Variants in CSPG4 observed in about 807,000 individuals in gnomAD.
CSPG4 encodes the protein chondroitin sulfate proteoglycan 4.
Under a neutral mutation model 139.3 loss-of-function variants are expected in CSPG4, and 74 were observed. That is an observed-to-expected ratio of 0.53 (90% confidence interval 0.44 to 0.64). The LOEUF (loss-of-function observed/expected upper bound fraction) is 0.64, where lower values mean the gene tolerates loss of function less well. Among genes scored for constraint, CSPG4 ranks in the 30% least tolerant of loss-of-function variants. The probability of loss-of-function intolerance (pLI) is 0.00; values close to 1 mark genes in which losing one functional copy is unlikely to be tolerated. For synonymous variants in CSPG4, 1,234 were observed against 1,394.2 expected, an observed-to-expected ratio of 0.89 and a Z score of 2.56; for missense variants, 2,565 against 3,148.3, an observed-to-expected ratio of 0.81 and a Z score of 4.43.
At chr15:75,685,135 C>A (rs1295979320) in intron 4 of CSPG4, 84 bp downstream of exon 4, 93 of 1,485,528 alleles carry the variant, frequency 6.3e-5, no homozygotes, top group Non-Finnish European at 8.4e-5. Context: ...CTGTGTATAA[C>A]CCCCAGACTG....
At chr15:75,695,491 C>T (rs1157462682) in intron 1 of CSPG4, among the ~76,000 whole-genome samples, 4 of 152,136 alleles carry the variant, frequency 2.6e-5, no homozygotes, top group Non-Finnish European at 4.4e-5. Context: ...TGCTGGAGCG[C>T]GTGGCCAGGC....
Position 75,690,606 on chromosome 15 carries a change from G to T in CSPG4, c.459C>A (p.Thr153=), listed in dbSNP as rs777535358. 1.9e-6 allele frequency: 3 copies of T among 1,609,076 alleles called. No homozygotes were observed. Among genetic ancestry groups the T allele is most frequent in the Admixed American group, 3.3e-5 (2 of 59,808 alleles). The stretch of plus-strand genomic sequence containing the variant: ...TTCCCCTCAGGTAGGGCAGGCCAAG[G>T]GTCCCAGTGCCCCCAACAAAGAGCC... The part of the protein sequence containing the change: ...PYGLFVGGTG[T]LGLPYLRGTS... The change falls in exon 3 of 10, where the codon ACC becomes ACA. Residue 153 remains threonine (T), a synonymous_variant. Transcript: ENST00000308508.
Position 75,689,499 on chromosome 15 carries a change from C to T in CSPG4, c.1566G>A (p.Val522=). ...EDTSDQLVLE[V]SVTARVPMPS... is the part of the protein sequence containing the mutation. ...GCATGGGCACCCGAGCCGTCACCGACACCTCCAGCACCAGCTGGTCGGAGG... is the reference window on the plus strand; with the variant it reads ...GCATGGGCACCCGAGCCGTCACCGATACCTCCAGCACCAGCTGGTCGGAGG... The change falls in exon 3 of 10, where the codon GTG becomes GTA. Residue 522 remains valine (V), a synonymous_variant. Coordinates refer to ENST00000308508, the MANE Select transcript of CSPG4 (RefSeq NM_001897.5). The T allele has an allele frequency of 6.2e-7, 1 of 1,612,626 alleles. No homozygotes were observed. Among genetic ancestry groups the T allele is most frequent in the African/African-American group, 1.3e-5 (1 of 74,846 alleles).
chr15:75,697,784 G>C (rs1894247316), intron 1 of CSPG4, among the ~76,000 whole-genome samples: 1 of 152,202 alleles, frequency 6.6e-6, no homozygotes, highest in African/African-American at 2.4e-5. Context: ...CTGGACATCT[G>C]TATGTGGGGG....
At chr15:75,686,288 C>A (rs1027499100) in intron 3 of CSPG4, among the ~76,000 whole-genome samples, 4 of 152,238 alleles carry the variant, frequency 2.6e-5, no homozygotes, top group Admixed American at 2.6e-4. Context: ...CACACACACA[C>A]AGGCCCCCCT....
Position 75,675,725 on chromosome 15 carries a change from CG to C in CSPG4, c.6793del (p.Arg2265AlafsTer67). 6.3e-7 allele frequency: 1 copy of C among 1,592,970 alleles called. No individual in the cohort carries two copies. Among genetic ancestry groups the C allele is most frequent in the Non-Finnish European group, 8.6e-7 (1 of 1,166,692 alleles). ...HDVQVLTAKP[R>X]NGLAGDTETF... ...CTCGGTGTCACCAGCCAGGCCGTTG[CG>C]GGGCTTGGCAGTCAGGACCTGGACG... On this transcript the variant is annotated frameshift_variant, in exon 10 of 10. Transcript: ENST00000308508. LOFTEE classifies it high-confidence loss of function.
Position 75,677,730 on chromosome 15 carries a change from G to T in CSPG4, c.5107C>A (p.Arg1703Ser), listed in dbSNP as rs780868747. The T allele has an allele frequency of 1.2e-6, 2 of 1,605,452 alleles. No homozygotes were observed. The highest frequency in any genetic ancestry group is 8.5e-7 in the Non-Finnish European group (1 of 1,176,504). Reference sequence around the variant, plus strand: ...TTGTTCTTCCAGAGGTGGCTGGGGCGCTGGGGACAGGCAGCCTCAAAAGAC... The same window carrying T: ...TTGTTCTTCCAGAGGTGGCTGGGGCTCTGGGGACAGGCAGCCTCAAAAGAC... ...AVSFEAACPQ[R>S]PSHLWKNKGL... is the part of the protein sequence containing the mutation. Residue 1703 changes from arginine to serine, a missense_variant, in exon 9 of 10, where the codon CGC becomes AGC. By Grantham distance (110) the Arg-to-Ser change is moderately radical. Coordinates refer to ENST00000308508, the MANE Select transcript of CSPG4 (RefSeq NM_001897.5).
At chr15:75,705,743 G>C (rs1894360877) in intron 1 of CSPG4, among the ~76,000 whole-genome samples, 1 of 152,208 alleles carries the variant, frequency 6.6e-6, no homozygotes, top group Non-Finnish European at 1.5e-5. Flanking sequence ...GGTCAGGGCT[G>C]AGGGGCAGGG....
intron 1 of CSPG4, among the ~76,000 whole-genome samples, chr15:75,699,124 C>T (rs1359840134): frequency 2.0e-5 from 3 of 152,222 alleles, no homozygotes; most frequent in Non-Finnish European, 4.4e-5. Context: ...ATGCGGACAA[C>T]AGTAGGTTAG....
chr15:75,712,711 G>A lies in CSPG4; in HGVS notation c.45C>T (p.Ala15=), dbSNP rs1278296370. ...PRPPLPAPGL[A]LALTLTMLAR... is the part of the protein sequence containing the mutation. ...CCAACATAGTCAGGGTCAAAGCCAA[G>A]GCCAGGCCGGGGGCTGGAAGTGGGG... The change falls in exon 1 of 10, where the codon GCC becomes GCT. Residue 15 remains alanine, a synonymous_variant. Coordinates refer to ENST00000308508, the MANE Select transcript of CSPG4 (RefSeq NM_001897.5). 1.7e-5 allele frequency: 26 copies of A among 1,563,536 alleles called. No homozygotes were observed. Among genetic ancestry groups the A allele is most frequent in the Admixed American group, 5.7e-5 (3 of 52,372 alleles).
chr15:75,691,917 T>G (rs1894169587), intron 2 of CSPG4, among the ~76,000 whole-genome samples: 1 of 152,016 alleles, frequency 6.6e-6, no homozygotes, highest in African/African-American at 2.4e-5. Flanking sequence ...TGTTTAACAG[T>G]GAAAGCAGCA....
chr15:75,691,832 G>T (rs1449087904), intron 2 of CSPG4, among the ~76,000 whole-genome samples: 1 of 152,156 alleles, frequency 6.6e-6, no homozygotes, highest in Non-Finnish European at 1.5e-5. Context: ...CTGGTATGGA[G>T]CATCTCTGTA....
At chr15:75,681,346 T>A (rs1160095469) in intron 8 of CSPG4, among the ~76,000 whole-genome samples, 1 of 107,866 alleles carries the variant, frequency 9.3e-6, no homozygotes, top group Non-Finnish European at 2.2e-5. Flanking sequence ...GGCTCAGGAG[T>A]CCCTGCCGAG....
rs1356172023 is a variant in CSPG4 at position 75,684,767 on chromosome 15, G to A, written c.4418C>T (p.Pro1473Leu). Residue 1473 changes from proline to leucine, a missense_variant, in exon 5 of 10, where the codon CCC (proline) becomes CTC (leucine). Pro to Leu is a moderately conservative substitution (Grantham distance 98). Around this residue, in one of 5 missense-constraint regions of CSPG4, gnomAD observed 2,316 missense variants for 2,818.2 expected, o/e 0.82. Transcript: ENST00000308508. ...GCCTGTGTTTGTAGTGAGGATGGGG[G>A]GTTGGTCATTGACAGGCAGGACAGT... ...TVTVLPVNDQ[P>L]PILTTNTGLQ... The A allele has an allele frequency of 1.2e-6, 2 of 1,613,820 alleles. No individual in the cohort carries two copies. Among genetic ancestry groups the A allele is most frequent in the East Asian group, 2.2e-5 (1 of 44,876 alleles).
upstream of CSPG4, chr15:75,712,943 T>A (rs1451734963): frequency 7.4e-6 from 4 of 539,786 alleles, no homozygotes; most frequent in Non-Finnish European, 1.3e-5. Flanking sequence ...CTCCCCCACC[T>A]GCCCCCACCC....
At position 75,682,619 on chromosome 15, in the gene CSPG4, T is replaced by A; in HGVS notation, c.4771A>T (p.Thr1591Ser). 2 of 1,613,092 alleles carry A rather than the reference T, an allele frequency of 1.2e-6. No homozygotes were observed. Among genetic ancestry groups the A allele is most frequent in the Non-Finnish European group, 1.7e-6 (2 of 1,179,992 alleles). Residue 1591 changes from threonine to serine, a missense_variant, in exon 7 of 10, where the codon ACT becomes TCT. By Grantham distance (58) the Thr-to-Ser change is moderately conservative. Around this residue, in one of 5 missense-constraint regions of CSPG4, gnomAD observed 2,316 missense variants for 2,818.2 expected, o/e 0.82. Coordinates refer to ENST00000308508, the MANE Select transcript of CSPG4 (RefSeq NM_001897.5). ...TCAGCACACCCACCTGGGCAGACAGTCAGTGTCTGGCTGCCCTTCAGCGAG... is the reference window on the plus strand; with the variant it reads ...TCAGCACACCCACCTGGGCAGACAGACAGTGTCTGGCTGCCCTTCAGCGAG... Reference protein sequence around the residue: ...LLSLKGSQTLTVCPGSVQPLS... With the variant: ...LLSLKGSQTLSVCPGSVQPLS...
intron 4 of CSPG4, 30 bp from the exon 5 acceptor site, chr15:75,684,942 G>A: frequency 1.9e-6 from 3 of 1,592,738 alleles, no homozygotes; most frequent in Non-Finnish European, 2.6e-6. Flanking sequence ...TGGCAGTCAG[G>A]CCCCAGCAGC....
At chr15:75,711,795 T>C (rs892384827) in intron 1 of CSPG4, among the ~76,000 whole-genome samples, 2 of 152,210 alleles carry the variant, frequency 1.3e-5, no homozygotes, top group Non-Finnish European at 1.5e-5. Context: ...ACAGTTCTTA[T>C]GGCATAACTA....
At chr15:75,702,328 T>C (rs897509774) in intron 1 of CSPG4, among the ~76,000 whole-genome samples, 1 of 152,218 alleles carries the variant, frequency 6.6e-6, no homozygotes, top group Non-Finnish European at 1.5e-5. Flanking sequence ...GGCCAGCTCT[T>C]CTCTCCTGTC....
Sources: gnomAD v4.1 joint callset for allele counts (sites outside exome capture counted in the v4.1 genomes callset) on GRCh38, gnomAD v4.1.1 for gene constraint, gnomAD v4.1.1 regional missense constraint, MANE v1.5 for transcripts, NCBI Gene and HGNC (gene_info 2026-07-23, HGNC 2026-07-21) for gene names.